Variants in MCTP1 observed in about 807,000 individuals in gnomAD.
The protein encoded by MCTP1 is multiple C2 and transmembrane domain-containing protein 1.
MCTP1 carries 69 observed loss-of-function variants against 120.6 expected under a neutral mutation model. The observed-to-expected ratio is 0.57, with a 90% CI of 0.47 to 0.70. MCTP1 has a LOEUF of 0.70. Ranked by LOEUF, MCTP1 falls within the 30% of genes least tolerant of loss-of-function variation. The probability of loss-of-function intolerance (pLI) is 0.00; values close to 1 mark genes in which losing one functional copy is unlikely to be tolerated. For missense variants in MCTP1, 1,203 were observed against 1,248.8 expected, an observed-to-expected ratio of 0.96 and a Z score of 0.55; for synonymous variants, 529 against 493.1, an observed-to-expected ratio of 1.07 and a Z score of -0.96.
At chr5:95,116,389 G>T (rs898634754) in intron 1 of MCTP1, among the ~76,000 whole-genome samples, 1 of 152,070 alleles carries the variant, frequency 6.6e-6, no homozygotes, top group African/African-American at 2.4e-5. Context: ...AACAACAAAA[G>T]GTTAAGAGTT....
At chr5:95,115,666 A>G (rs10069186) in intron 1 of MCTP1, among the ~76,000 whole-genome samples, 81,034 of 151,782 alleles carry the variant, frequency 0.53, 23,054 homozygotes, top group Non-Finnish European at 0.64. Context: ...CAAATCTAAG[A>G]GTTATTGGCC....
At chr5:95,155,325 T>C (rs1744995458) in intron 1 of MCTP1, among the ~76,000 whole-genome samples, 1 of 152,138 alleles carries the variant, frequency 6.6e-6, no homozygotes, top group Non-Finnish European at 1.5e-5. Flanking sequence ...TTATGGACAA[T>C]CAGGCTGGGT....
chr5:94,735,233 A>G (rs1394081339), intron 19 of MCTP1, among the ~76,000 whole-genome samples: 1 of 152,020 alleles, frequency 6.6e-6, no homozygotes, highest in Non-Finnish European at 1.5e-5. Context: ...TTTTCCATGT[A>G]TTTTCAAGAC....
rs1580797322 is a variant in MCTP1, at chr5:94,808,989, A to G, written c.2437-9857T>C. On this transcript the variant is annotated intron_variant, in intron 17 of 22. Transcript: ENST00000515393. ...CTAAAGTCTACAATCTTAGTACATC[A>G]ATGCTTTTTTGAAAAACATAGCTTG... Among the ~76,000 whole-genome samples the G allele has an allele frequency of 5.3e-5, 8 of 152,248 alleles. 1 individual carries two copies. The South Asian group carries it at 1.7e-3, about 32-fold the overall frequency.
Position 95,187,096 on chromosome 5 carries a change from C to T in MCTP1, c.720+96760G>A, listed in dbSNP as rs1179536529. On this transcript the variant is annotated intron_variant, in intron 1 of 22. Transcript: ENST00000515393. ...GCATATAATCCAGCAATCCTAACTG[C>T]TGGGTATATACCCAAAAGAAAGGAA... Among the ~76,000 whole-genome samples the T allele has an allele frequency of 5.3e-5, 8 of 152,290 alleles. No individual in the cohort carries two copies. The East Asian group carries it at 1.4e-3, about 26-fold the overall frequency.
At chr5:95,012,250 A>G (rs1355009614) in intron 2 of MCTP1, among the ~76,000 whole-genome samples, 1 of 152,140 alleles carries the variant, frequency 6.6e-6, no homozygotes, top group Non-Finnish European at 1.5e-5. Flanking sequence ...CCTACTTTCT[A>G]TATTTGTAAC....
At chr5:95,192,977 T>C (rs1749987955) in intron 1 of MCTP1, among the ~76,000 whole-genome samples, 1 of 152,154 alleles carries the variant, frequency 6.6e-6, no homozygotes, top group African/African-American at 2.4e-5. Context: ...TCTTATCAAA[T>C]GTAAAACTTG....
At chr5:94,859,352 C>T (rs141604889) in intron 17 of MCTP1, among the ~76,000 whole-genome samples, 266 of 151,666 alleles carry the variant, frequency 1.8e-3, no homozygotes, top group South Asian at 6.2e-3. Context: ...AAAAGTATAG[C>T]TAGATAGGAG....
At chr5:94,838,391 G>A (rs572861718) in intron 17 of MCTP1, among the ~76,000 whole-genome samples, 9 of 152,204 alleles carry the variant, frequency 5.9e-5, no homozygotes, top group Non-Finnish European at 1.2e-4. Flanking sequence ...TAATATTCTT[G>A]TAACTGAAAA....
At chr5:94,864,988 C>T (rs551984866) in intron 17 of MCTP1, among the ~76,000 whole-genome samples, 3 of 151,964 alleles carry the variant, frequency 2.0e-5, no homozygotes, top group South Asian at 2.1e-4. Context: ...TTCCCCAAGA[C>T]GAGCAGTGCC....
chr5:95,237,707 G>A (rs909948594), intron 1 of MCTP1, among the ~76,000 whole-genome samples: 6 of 152,074 alleles, frequency 3.9e-5, no homozygotes, highest in Admixed American at 2.0e-4. Context: ...ATGAGAAAAT[G>A]TATAATTATA....
At chr5:94,956,539 C>T (rs894897471) in intron 2 of MCTP1, among the ~76,000 whole-genome samples, 2 of 152,032 alleles carry the variant, frequency 1.3e-5, no homozygotes, top group Non-Finnish European at 2.9e-5. Context: ...AGAGGAACTA[C>T]TAAATAGAAT....
intron 1 of MCTP1, among the ~76,000 whole-genome samples, chr5:95,266,963 T>C (rs1027536372): frequency 1.3e-5 from 2 of 152,218 alleles, no homozygotes; most frequent in African/African-American, 2.4e-5. Flanking sequence ...TCCTATAACA[T>C]TGTATAACAA....
chr5:94,953,150 A>T (rs1022809680), intron 3 of MCTP1, 69 bp downstream of exon 3: 5 of 1,413,110 alleles, frequency 3.5e-6, no homozygotes, highest in Non-Finnish European at 4.8e-6. Flanking sequence ...ACAAAGAAAC[A>T]TGATAAAACC....
At chr5:95,207,981 G>A (rs946166903) in intron 1 of MCTP1, among the ~76,000 whole-genome samples, 3 of 99,400 alleles carry the variant, frequency 3.0e-5, no homozygotes, top group Admixed American at 2.2e-4. Context: ...GAGAGAGGGA[G>A]AGAGAGAGAA....
chr5:95,159,974 T>C (rs1425773331), intron 1 of MCTP1, among the ~76,000 whole-genome samples: 2 of 152,100 alleles, frequency 1.3e-5, no homozygotes, highest in African/African-American at 4.8e-5. Context: ...GAGAACAGCA[T>C]GCTATGTTTG....
intron 1 of MCTP1, among the ~76,000 whole-genome samples, chr5:95,275,966 G>T (rs1759793689): frequency 6.6e-6 from 1 of 152,104 alleles, no homozygotes; most frequent in Non-Finnish European, 1.5e-5. Flanking sequence ...AGGAGGGAAA[G>T]GGACAAGGAC....
intron 1 of MCTP1, among the ~76,000 whole-genome samples, chr5:95,218,173 C>A (rs758361235): frequency 9.2e-5 from 14 of 152,118 alleles, no homozygotes; most frequent in Non-Finnish European, 1.9e-4. Context: ...ATTGGGACAG[C>A]AATGAGATAA....
At chr5:94,892,754 T>C (rs1802968257) in intron 11 of MCTP1, among the ~76,000 whole-genome samples, 1 of 152,220 alleles carries the variant, frequency 6.6e-6, no homozygotes, top group South Asian at 2.1e-4. Flanking sequence ...AAAATACACA[T>C]GTTCTTGCAG....
Sources: gnomAD v4.1 joint callset for allele counts (sites outside exome capture counted in the v4.1 genomes callset) on GRCh38, gnomAD v4.1.1 for gene constraint, MANE v1.5 for transcripts, NCBI Gene and HGNC (gene_info 2026-07-23, HGNC 2026-07-21) for gene names.